The following CTNNA2 variants were observed in gnomAD, a reference collection of about 807,000 sequenced individuals.
CTNNA2 encodes the protein catenin alpha-2.
In CTNNA2, 42 loss-of-function variants were observed where a neutral mutation model predicts 101.0. The observed-to-expected ratio is 0.42, with a 90% CI of 0.32 to 0.54. CTNNA2 has a LOEUF of 0.54. CTNNA2 is among the 20% of genes least tolerant of loss of function. CTNNA2 has a pLI of 0.14. For synonymous variants in CTNNA2, 450 were observed against 456.4 expected, an observed-to-expected ratio of 0.99 and a Z score of 0.18; for missense variants, 871 against 1,223.1, an observed-to-expected ratio of 0.71 and a Z score of 4.29.
At chr2:79,712,132 T>C (rs555480050) in intron 2 of CTNNA2, among the ~76,000 whole-genome samples, 2 of 152,220 alleles carry the variant, frequency 1.3e-5, no homozygotes, top group Non-Finnish European at 2.9e-5. Context: ...ATATGTCATC[T>C]TAATCAACCT....
intron 7 of CTNNA2, among the ~76,000 whole-genome samples, chr2:79,913,956 A>G (rs1470052930): frequency 6.6e-6 from 1 of 151,910 alleles, no homozygotes; most frequent in African/African-American, 2.4e-5. Context: ...TCACGAGGTC[A>G]GGAGATCGAG....
At chr2:79,187,270 C>CT (rs781414965) in intron 1 of CTNNA2, among the ~76,000 whole-genome samples, 821 of 65,412 alleles carry the variant, frequency 0.013, 43 homozygotes, top group East Asian at 0.019. Flanking sequence ...CTTTTCTTTT[C>CT]TTTTTTTTTT....
chr2:80,102,628 T>C (rs1482521488), intron 7 of CTNNA2, among the ~76,000 whole-genome samples: 1 of 152,170 alleles, frequency 6.6e-6, no homozygotes, highest in East Asian at 1.9e-4. Flanking sequence ...TTTTCCTGCC[T>C]CAGCCTCCTG....
chr2:79,383,173 G>C (rs1215462516), intron 4 of CTNNA2, among the ~76,000 whole-genome samples: 1 of 152,206 alleles, frequency 6.6e-6, no homozygotes, highest in Non-Finnish European at 1.5e-5. Flanking sequence ...AGTCAAAACA[G>C]TAGAAGATAA....
At chr2:80,482,248 A>C (rs1686208446) in intron 9 of CTNNA2, among the ~76,000 whole-genome samples, 1 of 152,080 alleles carries the variant, frequency 6.6e-6, no homozygotes. Flanking sequence ...ACACCTTGAA[A>C]CCTAAGTGGC....
intron 2 of CTNNA2, among the ~76,000 whole-genome samples, chr2:79,253,729 A>T (rs1674803518): frequency 6.6e-6 from 1 of 152,232 alleles, no homozygotes; most frequent in African/African-American, 2.4e-5. Context: ...GTTTTAAGGC[A>T]AGAGTGATGT....
chr2:80,052,836 A>C (rs1696966381), intron 7 of CTNNA2, among the ~76,000 whole-genome samples: 1 of 152,224 alleles, frequency 6.6e-6, no homozygotes, highest in African/African-American at 2.4e-5. Flanking sequence ...ATCCAAACTC[A>C]AGGAAGCAGC....
intron 9 of CTNNA2, among the ~76,000 whole-genome samples, chr2:80,533,566 G>A (rs765760986): frequency 1.3e-5 from 2 of 152,140 alleles, no homozygotes; most frequent in Non-Finnish European, 1.5e-5. Flanking sequence ...TTCTGGAAAC[G>A]TTCCTTGGCT....
chr2:80,132,054 C>T (rs769943672), intron 7 of CTNNA2, among the ~76,000 whole-genome samples: 14 of 152,144 alleles, frequency 9.2e-5, no homozygotes, highest in South Asian at 8.3e-4. Flanking sequence ...GTACTCCAGC[C>T]TGGGTGACAA....
intron 7 of CTNNA2, among the ~76,000 whole-genome samples, chr2:80,369,560 T>C (rs557129687): frequency 4.7e-4 from 72 of 152,134 alleles, no homozygotes; most frequent in Middle Eastern, 3.4e-3. Flanking sequence ...GAATATGTTA[T>C]GGCTCTCAAA....
intron 3 of CTNNA2, among the ~76,000 whole-genome samples, chr2:79,367,178 A>T (rs1328267962): frequency 6.6e-6 from 1 of 152,194 alleles, no homozygotes; most frequent in Non-Finnish European, 1.5e-5. Flanking sequence ...ATGTGGGGAT[A>T]CAGCAAGAAG....
intron 9 of CTNNA2, among the ~76,000 whole-genome samples, chr2:80,461,230 C>CGA (rs1194677955): frequency 7.2e-5 from 11 of 152,132 alleles, no homozygotes; most frequent in Non-Finnish European, 1.5e-4. Context: ...TATCTGATCA[C>CGA]CCTCCTTGTC....
intron 4 of CTNNA2, among the ~76,000 whole-genome samples, chr2:79,476,071 A>G (rs1381792931): frequency 6.6e-6 from 1 of 152,192 alleles, no homozygotes; most frequent in Non-Finnish European, 1.5e-5. Context: ...CAAATTACAC[A>G]GAGAATCAAT....
intron 14 of CTNNA2, among the ~76,000 whole-genome samples, chr2:80,587,735 C>A (rs1444911651): frequency 6.6e-6 from 1 of 152,158 alleles, no homozygotes; most frequent in Non-Finnish European, 1.5e-5. Context: ...TTGTTCATTG[C>A]AGAAACTGCA....
chr2:80,066,333 A>G (rs1697985687), intron 7 of CTNNA2, among the ~76,000 whole-genome samples: 2 of 152,200 alleles, frequency 1.3e-5, no homozygotes, highest in African/African-American at 4.8e-5. Context: ...ACATTTGACA[A>G]GAGGTTAATA....
At chr2:79,697,052 G>A (rs1684695611) in intron 2 of CTNNA2, among the ~76,000 whole-genome samples, 1 of 151,986 alleles carries the variant, frequency 6.6e-6, no homozygotes, top group Non-Finnish European at 1.5e-5. Context: ...TGGGACCAAA[G>A]ATAACTGGTT....
intron 4 of CTNNA2, among the ~76,000 whole-genome samples, chr2:79,459,638 A>G (rs1402705870): frequency 2.0e-5 from 3 of 152,216 alleles, no homozygotes; most frequent in East Asian, 1.9e-4. Flanking sequence ...CCAGAGCTCC[A>G]TATGCTCTCT....
At chr2:80,606,173 AG>A (rs1419509937) in intron 16 of CTNNA2, among the ~76,000 whole-genome samples, 2 of 151,868 alleles carry the variant, frequency 1.3e-5, no homozygotes, top group Non-Finnish European at 2.9e-5. Flanking sequence ...AGTGAAAATG[AG>A]CGGAGTTTGA....
chr2:79,253,751 G>A, intron 2 of CTNNA2, among the ~76,000 whole-genome samples: 1 of 152,176 alleles, frequency 6.6e-6, no homozygotes, highest in East Asian at 1.9e-4. Flanking sequence ...TGCCTTTATT[G>A]ATAAGATAAT....
Sources: gnomAD v4.1 joint callset for allele counts (sites outside exome capture counted in the v4.1 genomes callset) on GRCh38, gnomAD v4.1.1 for gene constraint, MANE v1.5 for transcripts, NCBI Gene and HGNC (gene_info 2026-07-23, HGNC 2026-07-21) for gene names.